The following PSTPIP2 variants were observed in gnomAD, a reference collection of about 807,000 sequenced individuals.
The protein encoded by PSTPIP2 is proline-serine-threonine phosphatase interacting protein 2.
A neutral mutation model predicts 63.3 loss-of-function variants in PSTPIP2; 33 were observed. The ratio of observed to expected loss-of-function variants is 0.52; its 90% CI spans 0.40 to 0.70. The LOEUF (loss-of-function observed/expected upper bound fraction) is 0.70. Ranked by LOEUF, PSTPIP2 falls within the 30% of genes least tolerant of loss-of-function variation. The pLI is 0.00. For missense variants in PSTPIP2, 312 were observed against 400.7 expected, an observed-to-expected ratio of 0.78 and a Z score of 1.89; for synonymous variants, 125 against 132.7, an observed-to-expected ratio of 0.94 and a Z score of 0.40.
chr18:46,004,524 A>G (rs2051704003), intron 6 of PSTPIP2, among the ~76,000 whole-genome samples: 1 of 152,260 alleles, frequency 6.6e-6, no homozygotes. Context: ...GGATCACTCA[A>G]TAAAATAGGT....
intron 1 of PSTPIP2, among the ~76,000 whole-genome samples, chr18:46,066,566 T>C (rs2144138497): frequency 6.6e-6 from 1 of 152,252 alleles, no homozygotes; most frequent in Admixed American, 6.5e-5. Context: ...AGTTGCTGTG[T>C]TTTCTCCGTT....
chr18:46,016,073 G>A (rs940026894), intron 3 of PSTPIP2, 136 bp from the exon 4 acceptor site: 2 of 944,454 alleles, frequency 2.1e-6, no homozygotes, highest in Non-Finnish European at 3.2e-6. Context: ...ATGAGCTAGA[G>A]AGACAGCAAA....
At chr18:45,999,046 G>A (rs926624582) in intron 7 of PSTPIP2, among the ~76,000 whole-genome samples, 5 of 152,156 alleles carry the variant, frequency 3.3e-5, no homozygotes, top group African/African-American at 1.2e-4. Context: ...ATCTTGCCCA[G>A]TGTCTTCCTA....
In PSTPIP2 at chr18:45,991,794, G is replaced by A. The variant is rs1021011896; in HGVS notation, c.920+108C>T. On this transcript the variant is annotated intron_variant, in intron 12 of 14. Transcript: ENST00000409746. ...TCCAAAAAGCAAGCAGCCTTATTAAGCAGATGCAGTAGTAGATATGTTCCA... is the reference window on the plus strand; with the variant it reads ...TCCAAAAAGCAAGCAGCCTTATTAAACAGATGCAGTAGTAGATATGTTCCA... 4.7e-6 allele frequency: 5 copies of A among 1,064,178 alleles called. No homozygotes were observed. The South Asian group carries it at 8.2e-5, about 17-fold the overall frequency. The allele number at this position is 1,064,178 out of a possible 1,614,324, so 65.9% of individuals were successfully genotyped here. A position where few individuals can be genotyped will look rare whatever the true frequency, so the allele number is the denominator to read the frequency against.
intron 3 of PSTPIP2, among the ~76,000 whole-genome samples, chr18:46,021,263 G>A (rs1907335545): frequency 6.6e-6 from 1 of 152,036 alleles, no homozygotes; most frequent in African/African-American, 2.4e-5. Context: ...GTAACTATAA[G>A]TAAAATTGGT....
intron 2 of PSTPIP2, among the ~76,000 whole-genome samples, chr18:46,027,749 AG>A (rs922432491): frequency 2.0e-5 from 3 of 152,212 alleles, no homozygotes; most frequent in African/African-American, 7.2e-5. Context: ...ATTTCACAGA[AG>A]AAAAAAAACT....
At position 45,987,620 on chromosome 18, in the gene PSTPIP2, A is replaced by G. The variant is rs547816106; in HGVS notation, c.*8+1082T>C. 3.3e-5 allele frequency among the ~76,000 whole-genome samples: 5 copies of G among 152,292 alleles called. No homozygotes were observed. The East Asian group carries it at 9.6e-4, about 29-fold the overall frequency. On this transcript the variant is annotated intron_variant, in intron 14 of 14. Coordinates refer to ENST00000409746, the MANE Select transcript of PSTPIP2 (RefSeq NM_024430.4). ...TTCAAAAACAGGAAGGAAAAATATTACCTATTTAGGAATATATCTCTTCAG... is the reference window on the plus strand; with the variant it reads ...TTCAAAAACAGGAAGGAAAAATATTGCCTATTTAGGAATATATCTCTTCAG...
At chr18:46,024,039 A>G (rs1050172458) in intron 3 of PSTPIP2, among the ~76,000 whole-genome samples, 4 of 152,006 alleles carry the variant, frequency 2.6e-5, no homozygotes, top group Non-Finnish European at 5.9e-5. Context: ...TTGATTTTTC[A>G]CAATTGAAAA....
At chr18:46,036,675 C>T (rs1003067995) in intron 2 of PSTPIP2, among the ~76,000 whole-genome samples, 3 of 152,168 alleles carry the variant, frequency 2.0e-5, no homozygotes, top group Non-Finnish European at 4.4e-5. Context: ...GAATTTACTG[C>T]AATCTGCCTG....
In PSTPIP2 at chr18:46,067,600, T is replaced by C. The variant is rs78235191; in HGVS notation, c.33+4556A>G. On this transcript the variant is annotated intron_variant, in intron 1 of 14. Transcript: ENST00000409746. ...AAACAAACCGTAACCTAACTAAGAG[T>C]ATATTCTTGTAACAAGTAGCTGGGT... Among the ~76,000 whole-genome samples the C allele has an allele frequency of 3.3e-3, 494 of 150,362 alleles. 4 individuals are homozygous for C. Among genetic ancestry groups the C allele is most frequent in the African/African-American group, 0.012 (473 of 40,754 alleles).
chr18:46,058,082 T>C (rs1908836493), intron 1 of PSTPIP2, among the ~76,000 whole-genome samples: 2 of 151,562 alleles, frequency 1.3e-5, no homozygotes, highest in Admixed American at 1.3e-4. Context: ...AATACAAAAC[T>C]CTGGGTCAGA....
chr18:46,069,318 TGTCTTATTCTGACAA>T (rs1455436802), intron 1 of PSTPIP2, among the ~76,000 whole-genome samples: 1 of 152,218 alleles, frequency 6.6e-6, no homozygotes, highest in Non-Finnish European at 1.5e-5. Context: ...CTGTGGTCAC[TGTCTTATTCTGACAA>T]GATACAATCA....
At chr18:46,065,628 G>C (rs557738568) in intron 1 of PSTPIP2, among the ~76,000 whole-genome samples, 1 of 152,086 alleles carries the variant, frequency 6.6e-6, no homozygotes, top group Non-Finnish European at 1.5e-5. Context: ...CACCACGCCC[G>C]GCTAATTTTT....
intron 3 of PSTPIP2, among the ~76,000 whole-genome samples, chr18:46,018,796 A>C (rs531293097): frequency 6.6e-6 from 1 of 152,270 alleles, no homozygotes; most frequent in South Asian, 2.1e-4. Context: ...ACTGAAAGAC[A>C]CCTTTGATTC....
intron 4 of PSTPIP2, 98 bp downstream of exon 4, chr18:46,015,805 A>T: frequency 7.4e-7 from 1 of 1,342,790 alleles, no homozygotes. Flanking sequence ...TTTTTCACCC[A>T]CTATGAAACT....
chr18:46,010,965 G>A lies in PSTPIP2; in HGVS notation c.354+216C>T, dbSNP rs888916291. ...GAAGAGGAATGCAAGCTGGACCTCTGAATCCTATGTGAACTTTAAAAAAGG... is the reference window on the plus strand; with the variant it reads ...GAAGAGGAATGCAAGCTGGACCTCTAAATCCTATGTGAACTTTAAAAAAGG... On this transcript the variant is annotated intron_variant, in intron 5 of 14. Coordinates refer to ENST00000409746, the MANE Select transcript of PSTPIP2 (RefSeq NM_024430.4). The A allele has an allele frequency of 6.4e-5, 32 of 501,930 alleles. 1 individual carries two copies. Among genetic ancestry groups the A allele is most frequent in the African/African-American group, 4.6e-4 (24 of 52,252 alleles). The allele number at this position is 501,930 out of a possible 1,614,324, so 31.1% of individuals were successfully genotyped here. A position where few individuals can be genotyped will look rare whatever the true frequency, so the allele number is the denominator to read the frequency against.
intron 3 of PSTPIP2, 149 bp downstream of exon 3, chr18:46,024,460 G>A (rs577882083): frequency 2.9e-6 from 2 of 698,302 alleles, no homozygotes; most frequent in South Asian, 1.7e-5. Context: ...TTTGAGCCCA[G>A]CCTGGACAAA....
At chr18:46,025,793 C>T (rs1381879568) in intron 2 of PSTPIP2, among the ~76,000 whole-genome samples, 1 of 152,180 alleles carries the variant, frequency 6.6e-6, no homozygotes, top group Admixed American at 6.5e-5. Flanking sequence ...CTCACTCTGC[C>T]ACCCAGGCTG....
rs192375202 is a variant in PSTPIP2, at chr18:46,028,819, A to G, written c.135-4133T>C. ...GGCAGAGACTAATAAGCTGAAAACA[A>G]CTTCAGATGATGAAAGTGAAGAGGA... On this transcript the variant is annotated intron_variant, in intron 2 of 14. Transcript: ENST00000409746. 6.2e-5 allele frequency: 94 copies of G among 1,520,826 alleles called. No individual in the cohort carries two copies. The African/African-American group carries it at 1.2e-3, about 19-fold the overall frequency. The allele number at this position is 1,520,826 out of a possible 1,614,324, so 94.2% of individuals were successfully genotyped here. A position where few individuals can be genotyped will look rare whatever the true frequency, so the allele number is the denominator to read the frequency against.
Sources: allele counts gnomAD v4.1 joint callset (sites outside exome capture counted in the v4.1 genomes callset), GRCh38; gene constraint gnomAD v4.1.1; transcripts MANE v1.5; gene names NCBI Gene and HGNC (gene_info 2026-07-23, HGNC 2026-07-21).